The following CFI variants were observed in gnomAD, a reference collection of about 807,000 sequenced individuals.
CFI encodes the protein C3B/C4B inactivator.
Under a neutral mutation model 78.8 loss-of-function variants are expected in CFI, and 66 were observed. The ratio of observed to expected loss-of-function variants is 0.84; its 90% confidence interval spans 0.69 to 1.03. CFI has a LOEUF of 1.03. CFI is among the 50% of genes least tolerant of loss of function. The pLI is 0.00. For synonymous variants in CFI, 250 were observed against 232.6 expected (o/e 1.07, Z -0.68); for missense variants, 706 against 704.5 (o/e 1.00, Z -0.02).
the CFI span, among the ~76,000 whole-genome samples, chr4:109,733,557 G>A: frequency 6.6e-6 from 1 of 152,192 alleles, no homozygotes; most frequent in Non-Finnish European, 1.5e-5. Flanking sequence ...CTTGGTCCAG[G>A]AAAGGAGCAG....
At chr4:109,757,845 A>G (rs1323546110) in intron 6 of CFI, 62 bp from the exon 7 acceptor site, 1 of 1,354,976 alleles carries the variant, frequency 7.4e-7, no homozygotes, top group African/African-American at 1.5e-5. Flanking sequence ...TGCACACTAT[A>G]GCAATATACT....
chr4:109,747,569 T>TGATTA (rs1385857887), intron 10 of CFI, among the ~76,000 whole-genome samples: 4 of 152,172 alleles, frequency 2.6e-5, no homozygotes. Flanking sequence ...TTTTTTGGTT[T>TGATTA]GATTAGAAGT....
intron 1 of CFI, among the ~76,000 whole-genome samples, chr4:109,795,084 A>G (rs1030116195): frequency 2.6e-5 from 4 of 152,204 alleles, no homozygotes; most frequent in African/African-American, 9.6e-5. Context: ...CACTTTATAG[A>G]GTTACCCTTT....
Position 109,775,098 on chromosome 4 carries a change from C to T in CFI, c.58-8274G>A, listed in dbSNP as rs538176242. 2.4e-4 allele frequency among the ~76,000 whole-genome samples: 37 copies of T among 152,166 alleles called. 1 individual carries two copies. The South Asian group carries it at 3.9e-3, about 16-fold the overall frequency. On this transcript the variant is annotated intron_variant, in intron 1 of 12. Coordinates refer to ENST00000394634, the MANE Select transcript of CFI (RefSeq NM_000204.5). ...TCCAGTCTGCAGCTCCCAGTGTGAG[C>T]GACGCAGAAGACGGGTGATTTCTGC...
At chr4:109,777,878 G>C (rs915498096) in intron 1 of CFI, among the ~76,000 whole-genome samples, 5 of 152,104 alleles carry the variant, frequency 3.3e-5, no homozygotes, top group African/African-American at 1.2e-4. Context: ...GCTCCCGAAT[G>C]ACTACTGGGT....
chr4:109,752,425 TA>T, intron 8 of CFI, 42 bp downstream of exon 8: 1 of 1,595,570 alleles, frequency 6.3e-7, no homozygotes, highest in Non-Finnish European at 8.6e-7. Context: ...AATTACAGCC[TA>T]AACCAGTGAG....
chr4:109,755,550 G>A lies in CFI; in HGVS notation c.904+2213C>T, dbSNP rs1726021462. On this transcript the variant is annotated intron_variant, in intron 7 of 12. Coordinates refer to ENST00000394634, the MANE Select transcript of CFI (RefSeq NM_000204.5). Reference sequence around the variant, plus strand: ...GATTAATGTCGTTATCTCAGGAGTGGGTTAGCTGTAGTGAGAGTGGGCTTG... The same window carrying A: ...GATTAATGTCGTTATCTCAGGAGTGAGTTAGCTGTAGTGAGAGTGGGCTTG... Among the ~76,000 whole-genome samples, 5 of 152,144 alleles carry A rather than the reference G, an allele frequency of 3.3e-5. No homozygotes were observed. The South Asian group carries it at 8.3e-4, about 25-fold the overall frequency.
In CFI at chr4:109,771,550, C is replaced by CAAA. The variant is rs60490705; in HGVS notation, c.58-4729_58-4727dup. Among the ~76,000 whole-genome samples the CAAA allele has an allele frequency of 3.8e-4, 51 of 132,832 alleles. 1 individual carries two copies. In the East Asian group the frequency reaches 9.7e-3, roughly 25 times the overall value. 87.1% of individuals were successfully genotyped at this position (132,832 alleles called of 152,430 possible). A position where few individuals can be genotyped will look rare whatever the true frequency, so the allele number is the denominator to read the frequency against. ...TGAAACCCCATCTCTACTAAAAATA[C>CAAA]AAAAAAAAAAAAAATTAGCCGGGCG... is the stretch of plus-strand genomic sequence containing the variant. On this transcript the variant is annotated intron_variant, in intron 1 of 12. Coordinates refer to ENST00000394634, the MANE Select transcript of CFI (RefSeq NM_000204.5).
chr4:109,777,253 G>A, intron 1 of CFI, among the ~76,000 whole-genome samples: 1 of 152,148 alleles, frequency 6.6e-6, no homozygotes, highest in Non-Finnish European at 1.5e-5. Flanking sequence ...GACACACATA[G>A]GCTCAAAATA....
At chr4:109,768,568 A>G (rs1222690910) in intron 1 of CFI, among the ~76,000 whole-genome samples, 1 of 152,198 alleles carries the variant, frequency 6.6e-6, no homozygotes, top group Non-Finnish European at 1.5e-5. Flanking sequence ...GCAGGACTCC[A>G]GTAGAAATAA....
At chr4:109,773,454 T>C (rs1263703881) in intron 1 of CFI, among the ~76,000 whole-genome samples, 1 of 152,170 alleles carries the variant, frequency 6.6e-6, no homozygotes, top group Non-Finnish European at 1.5e-5. Context: ...AGGCAGAGGT[T>C]GCAGTGAGCC....
chr4:109,740,591 C>T, downstream of CFI: 2 of 385,910 alleles, frequency 5.2e-6, no homozygotes, highest in Non-Finnish European at 9.8e-6. Context: ...GATTTGAACC[C>T]AACCTTATGT....
At chr4:109,783,321 C>A (rs1423333287) in intron 1 of CFI, among the ~76,000 whole-genome samples, 1 of 151,984 alleles carries the variant, frequency 6.6e-6, no homozygotes, top group African/African-American at 2.4e-5. Flanking sequence ...TGAACTCATA[C>A]AAATCAGTAA....
At chr4:109,766,917 G>T in intron 1 of CFI, 93 bp from the exon 2 acceptor site, 1 of 1,252,988 alleles carries the variant, frequency 8.0e-7, no homozygotes, top group Non-Finnish European at 1.2e-6. Flanking sequence ...AACAGATACA[G>T]CCCACAGTAC....
intron 1 of CFI, among the ~76,000 whole-genome samples, chr4:109,784,431 A>G (rs1034601682): frequency 1.3e-5 from 2 of 152,102 alleles, no homozygotes; most frequent in Non-Finnish European, 2.9e-5. Flanking sequence ...CTTTTAAGAT[A>G]GAGAATCATA....
chr4:109,784,578 T>C (rs1222403416), intron 1 of CFI, among the ~76,000 whole-genome samples: 1 of 151,388 alleles, frequency 6.6e-6, no homozygotes. Flanking sequence ...ACAACACCAA[T>C]GAAAAACAAA....
At chr4:109,766,934 G>A (rs1357807764) in intron 1 of CFI, 110 bp from the exon 2 acceptor site, 3 of 1,060,644 alleles carry the variant, frequency 2.8e-6, no homozygotes, top group Non-Finnish European at 4.2e-6. Flanking sequence ...GTACAGATGA[G>A]GATGGTGTTG....
At chr4:109,795,488 C>A (rs11932552) in intron 1 of CFI, among the ~76,000 whole-genome samples, 27,268 of 152,092 alleles carry the variant, frequency 0.18, 4,642 homozygotes, top group African/African-American at 0.43. Flanking sequence ...CCAAGGAGCA[C>A]ATAAAGCTCC....
intron 12 of CFI, chr4:109,741,492 T>A (rs368071770): frequency 3.2e-6 from 1 of 317,390 alleles, no homozygotes; most frequent in Non-Finnish European, 4.6e-6. Context: ...CACAACCCTA[T>A]GAGGCAAATA....
Sources: gnomAD v4.1 joint callset for allele counts (sites outside exome capture counted in the v4.1 genomes callset) on GRCh38, gnomAD v4.1.1 for gene constraint, MANE v1.5 for transcripts, NCBI Gene and HGNC (gene_info 2026-07-23, HGNC 2026-07-21) for gene names.